Variants in R3HDM1 observed in about 807,000 individuals in gnomAD.
R3HDM1 encodes R3H domain containing 1, also known as R3H domain-containing protein 1.
In R3HDM1, 46 loss-of-function variants were observed where a neutral mutation model predicts 141.1. The ratio of observed to expected loss-of-function variants is 0.33; its 90% CI spans 0.26 to 0.42. R3HDM1 has a LOEUF of 0.42. Ranked by LOEUF, R3HDM1 falls within the 10% of genes least tolerant of loss-of-function variation. The pLI is 1.00. For missense variants in R3HDM1, 1,184 were observed against 1,368.3 expected (o/e 0.87, Z 2.12); for synonymous variants, 435 against 472.9 (o/e 0.92, Z 1.04).
intron 19 of R3HDM1, chr2:135,667,599 A>G (rs923187620): frequency 2.8e-5 from 27 of 948,060 alleles, no homozygotes; most frequent in Non-Finnish European, 3.3e-5. Context: ...ATATACTAAA[A>G]TATACTTTTT....
chr2:135,549,495 A>G (rs1330683421), intron 1 of R3HDM1, among the ~76,000 whole-genome samples: 2 of 147,976 alleles, frequency 1.4e-5, no homozygotes, highest in East Asian at 2.1e-4. Flanking sequence ...CGGGAGGCGG[A>G]TATTGCAGTA....
intron 1 of R3HDM1, chr2:135,536,804 C>G: frequency 1.3e-6 from 1 of 753,486 alleles, no homozygotes; most frequent in East Asian, 1.3e-4. Flanking sequence ...CGGTGAACAT[C>G]ACCACCTGAG....
In R3HDM1 at chr2:135,663,804, ATCACCTGAGG is replaced by A. The variant is rs1200184943; in HGVS notation, c.2152+2415_2152+2424del. ...CACTCTGGGAGGCCAAGGCGGGTGGATCACCTGAGGTCAGGAATTTCAGACCAGCCTGGCC... is the reference window on the plus strand; with the variant it reads ...CACTCTGGGAGGCCAAGGCGGGTGGATCAGGAATTTCAGACCAGCCTGGCC... On this transcript the variant is annotated intron_variant, in intron 19 of 26. Transcript: ENST00000683871. 2.0e-5 allele frequency among the ~76,000 whole-genome samples: 3 copies of A among 152,306 alleles called. No homozygotes were observed. The East Asian group carries it at 5.8e-4, about 29-fold the overall frequency.
intron 5 of R3HDM1, chr2:135,619,703 C>T (rs769476317): frequency 1.0e-5 from 10 of 955,186 alleles, no homozygotes; most frequent in African/African-American, 1.8e-5. Context: ...GTATCTAATC[C>T]TTGATGGTAG....
intron 1 of R3HDM1, among the ~76,000 whole-genome samples, chr2:135,537,097 C>T (rs954112624): frequency 1.3e-5 from 2 of 151,138 alleles, no homozygotes; most frequent in African/African-American, 4.9e-5. Context: ...TAAAATATCA[C>T]CTTACAGTAT....
At chr2:135,651,216 G>A in intron 17 of R3HDM1, 2 of 984,986 alleles carry the variant, frequency 2.0e-6, no homozygotes, top group Non-Finnish European at 2.4e-6. Flanking sequence ...GGACTGTAGT[G>A]GATTTTATGT....
At chr2:135,717,590 G>A (rs1303734951) in intron 24 of R3HDM1, among the ~76,000 whole-genome samples, 1 of 152,126 alleles carries the variant, frequency 6.6e-6, no homozygotes, top group Non-Finnish European at 1.5e-5. Context: ...GAAAGGGTGA[G>A]GATTGAAAAA....
At chr2:135,678,166 T>C (rs2441384) in intron 20 of R3HDM1, among the ~76,000 whole-genome samples, 38,079 of 151,688 alleles carry the variant, frequency 0.25, 5,853 homozygotes, top group East Asian at 0.65. Flanking sequence ...TGTTTCACCA[T>C]GTTGGCCAGG....
At position 135,618,420 on chromosome 2, in the gene R3HDM1, C is replaced by T. The variant is rs958417409; in HGVS notation, c.303+1663C>T. On this transcript the variant is annotated intron_variant, in intron 5 of 26. Transcript: ENST00000683871. ...CAGGTGATCCACCTGCCTCTGCCTC[C>T]CAAAGTGCTAGGATTACAAGTGTGA... Among the ~76,000 whole-genome samples, 15 of 151,180 alleles carry T rather than the reference C, an allele frequency of 9.9e-5. No individual in the cohort carries two copies. In the South Asian group the frequency reaches 1.2e-3, roughly 13 times the overall value.
intron 18 of R3HDM1, among the ~76,000 whole-genome samples, chr2:135,657,456 T>C (rs2066068652): frequency 6.6e-6 from 1 of 151,644 alleles, no homozygotes; most frequent in Non-Finnish European, 1.5e-5. Flanking sequence ...GGAAAATACC[T>C]AAACTCAGGA....
chr2:135,611,138 A>G (rs1161620843), intron 3 of R3HDM1, among the ~76,000 whole-genome samples: 1 of 150,526 alleles, frequency 6.6e-6, no homozygotes, highest in African/African-American at 2.4e-5. Context: ...AAAAAAAAGG[A>G]TGGCTGCGCA....
chr2:135,602,786 T>A, intron 2 of R3HDM1, 78 bp downstream of exon 2: 1 of 1,252,632 alleles, frequency 8.0e-7, no homozygotes, highest in Non-Finnish European at 1.1e-6. Context: ...GCCAGTGTCT[T>A]AAGTAACTTC....
At chr2:135,537,783 A>G (rs1177040762) in intron 1 of R3HDM1, among the ~76,000 whole-genome samples, 1 of 151,828 alleles carries the variant, frequency 6.6e-6, no homozygotes, top group Non-Finnish European at 1.5e-5. Flanking sequence ...TAGCCTCCCT[A>G]GTAGCTAGGA....
chr2:135,682,688 A>G lies in R3HDM1; in HGVS notation c.2459+2364A>G, dbSNP rs79058826. 0.011 allele frequency among the ~76,000 whole-genome samples: 1,624 copies of G among 152,278 alleles called. 100 individuals carry two copies. In the East Asian group the frequency reaches 0.19, roughly 18 times the overall value. On this transcript the variant is annotated intron_variant, in intron 21 of 26. Transcript: ENST00000683871. Reference sequence around the variant, plus strand: ...AGATGAGATTCTCCAACAACCTCCAATGTGAATCTTGATTAAAAGTTTTTG... The same window carrying G: ...AGATGAGATTCTCCAACAACCTCCAGTGTGAATCTTGATTAAAAGTTTTTG...
chr2:135,604,749 T>A (rs1263841300), intron 2 of R3HDM1, 57 bp from the exon 3 acceptor site: 17 of 1,269,140 alleles, frequency 1.3e-5, no homozygotes, highest in Non-Finnish European at 1.9e-5. Context: ...TAGGTCAGTA[T>A]CATGCAGTAA....
intron 1 of R3HDM1, among the ~76,000 whole-genome samples, chr2:135,540,972 G>T (rs924292397): frequency 1.3e-5 from 2 of 152,096 alleles, no homozygotes; most frequent in East Asian, 3.9e-4. Context: ...AATTATCAAC[G>T]AACAGTAAGT....
In R3HDM1 at chr2:135,636,077, C is replaced by G. The variant is rs761853251; in HGVS notation, c.808-11C>G. 1.3e-5 allele frequency: 21 copies of G among 1,611,718 alleles called. 1 individual carries two copies. The South Asian group carries it at 2.2e-4, about 17-fold the overall frequency. On this transcript the variant is annotated splice_polypyrimidine_tract_variant and intron_variant, in intron 10 of 26. Transcript: ENST00000683871. ...AGTTCATTTGCCTAAAAATTATCCTCTTTTCTGTAGATGAGAATACGTTTG... is the reference window on the plus strand; with the variant it reads ...AGTTCATTTGCCTAAAAATTATCCTGTTTTCTGTAGATGAGAATACGTTTG...
intron 23 of R3HDM1, among the ~76,000 whole-genome samples, chr2:135,711,899 C>CA (rs2075681822): frequency 7.1e-6 from 1 of 140,326 alleles, no homozygotes; most frequent in South Asian, 2.2e-4. Flanking sequence ...GCAGAGGTTG[C>CA]AGTGATCTGA....
At chr2:135,677,930 T>G (rs927794689) in intron 20 of R3HDM1, among the ~76,000 whole-genome samples, 68 of 152,172 alleles carry the variant, frequency 4.5e-4, no homozygotes, top group African/African-American at 1.6e-3. Flanking sequence ...TCGCTTGCTC[T>G]CTCTCGCTCG....
Sources: allele counts gnomAD v4.1 joint callset (sites outside exome capture counted in the v4.1 genomes callset), GRCh38; gene constraint gnomAD v4.1.1; transcripts MANE v1.5; gene names NCBI Gene and HGNC (gene_info 2026-07-23, HGNC 2026-07-21).